Variants in TBC1D14 observed in about 807,000 individuals in gnomAD.
TBC1D14 encodes the protein TBC1 domain family, member 14.
TBC1D14 carries 26 observed loss-of-function variants against 79.0 expected under a neutral mutation model. The observed-to-expected ratio is 0.33, with a 90% CI of 0.24 to 0.46. TBC1D14 has a LOEUF of 0.46. Ranked by LOEUF, TBC1D14 falls within the 20% of genes least tolerant of loss-of-function variation. TBC1D14 has a pLI of 1.00. For missense variants in TBC1D14, 769 were observed against 887.6 expected, an observed-to-expected ratio of 0.87 and a Z score of 1.70; for synonymous variants, 394 against 349.9, an observed-to-expected ratio of 1.13 and a Z score of -1.40.
At chr4:6,998,355 G>A (rs1388119412) in intron 5 of TBC1D14, among the ~76,000 whole-genome samples, 1 of 143,510 alleles carries the variant, frequency 7.0e-6, no homozygotes, top group African/African-American at 2.7e-5. Flanking sequence ...GCAAAACTCC[G>A]TCTAAAAAAA....
rs558201839 is a variant in TBC1D14, at chr4:7,006,275, A to ATG, written c.1352-339_1352-338dup. 5.9e-3 allele frequency among the ~76,000 whole-genome samples: 897 copies of ATG among 151,232 alleles called. 6 individuals carry two copies. Among genetic ancestry groups the ATG allele is most frequent in the East Asian group, 0.05 (258 of 5,174 alleles). ...GATGTTTGAGATCGAGCAGTGATAT[A>ATG]TGTGTGTGTGTGTGTGTGTTTATGC... On this transcript the variant is annotated intron_variant, in intron 8 of 13. Transcript: ENST00000409757.
intron 1 of TBC1D14, among the ~76,000 whole-genome samples, chr4:6,915,902 G>C (rs906061295): frequency 1.3e-5 from 2 of 151,750 alleles, no homozygotes; most frequent in Non-Finnish European, 2.9e-5. Context: ...ATCACCTGAG[G>C]TCAGGGGTTC....
At chr4:6,966,879 A>G (rs907228833) in intron 2 of TBC1D14, among the ~76,000 whole-genome samples, 11 of 152,174 alleles carry the variant, frequency 7.2e-5, no homozygotes, top group Admixed American at 5.2e-4. Context: ...GCACGATCTC[A>G]GCTCACTGCA....
intron 13 of TBC1D14, among the ~76,000 whole-genome samples, chr4:7,029,294 G>A (rs1434306106): frequency 1.3e-5 from 2 of 152,246 alleles, no homozygotes; most frequent in East Asian, 3.8e-4. Flanking sequence ...AAGTGGCATG[G>A]TTCCTGGCCC....
At chr4:7,007,896 C>T (rs1049184361) in intron 9 of TBC1D14, among the ~76,000 whole-genome samples, 5 of 152,218 alleles carry the variant, frequency 3.3e-5, no homozygotes, top group East Asian at 1.9e-4. Flanking sequence ...CCACGGTTCA[C>T]GTGCCCCCTC....
intron 2 of TBC1D14, among the ~76,000 whole-genome samples, chr4:6,955,799 C>T (rs986575960): frequency 1.3e-5 from 2 of 152,136 alleles, no homozygotes; most frequent in African/African-American, 4.8e-5. Flanking sequence ...TCCACCAGGT[C>T]AGGGAGGATT....
At chr4:7,024,593 C>G (rs764847986) in intron 12 of TBC1D14, among the ~76,000 whole-genome samples, 1 of 152,128 alleles carries the variant, frequency 6.6e-6, no homozygotes, top group Admixed American at 6.5e-5. Context: ...GCTCCCAGGG[C>G]GGGGGGAACC....
intron 12 of TBC1D14, among the ~76,000 whole-genome samples, chr4:7,018,168 C>G (rs1577180341): frequency 6.6e-6 from 1 of 152,334 alleles, no homozygotes; most frequent in South Asian, 2.1e-4. Context: ...CACGTCCACA[C>G]CCATCACAGC....
At chr4:6,970,399 A>T (rs1034127482) in intron 3 of TBC1D14, among the ~76,000 whole-genome samples, 8 of 152,274 alleles carry the variant, frequency 5.3e-5, no homozygotes, top group African/African-American at 1.9e-4. Context: ...TAAACGGGTG[A>T]ATACACACAC....
chr4:6,937,569 A>G lies in TBC1D14; in HGVS notation c.722+13458A>G, dbSNP rs558394544. On this transcript the variant is annotated intron_variant, in intron 2 of 13. Transcript: ENST00000409757. ...CATCAAGGCGTGTGGGAGAATGGATAGAGAGGGAAGGAAGCGTTGCTGGGG... is the reference window on the plus strand; with the variant it reads ...CATCAAGGCGTGTGGGAGAATGGATGGAGAGGGAAGGAAGCGTTGCTGGGG... Among the ~76,000 whole-genome samples the G allele has an allele frequency of 3.9e-3, 594 of 152,284 alleles. 2 individuals are homozygous for G. Among genetic ancestry groups the G allele is most frequent in the Non-Finnish European group, 5.4e-3 (364 of 68,024 alleles).
intron 1 of TBC1D14, among the ~76,000 whole-genome samples, chr4:6,916,346 C>T (rs1262452145): frequency 1.3e-5 from 2 of 150,668 alleles, no homozygotes; most frequent in African/African-American, 4.9e-5. Context: ...GAAGAGGCTT[C>T]CGGTGGATAT....
intron 2 of TBC1D14, among the ~76,000 whole-genome samples, chr4:6,964,312 C>T (rs912819004): frequency 6.6e-6 from 1 of 152,198 alleles, no homozygotes; most frequent in Non-Finnish European, 1.5e-5. Context: ...CATCCCCACA[C>T]TCCGCGGCTT....
At chr4:6,920,713 G>A (rs1023989239) in intron 1 of TBC1D14, among the ~76,000 whole-genome samples, 5 of 152,186 alleles carry the variant, frequency 3.3e-5, no homozygotes, top group African/African-American at 7.2e-5. Flanking sequence ...GCCCAGGAGC[G>A]TGTGAGTCCA....
intron 3 of TBC1D14, among the ~76,000 whole-genome samples, chr4:6,977,992 C>A (rs575388142): frequency 5.6e-4 from 83 of 148,988 alleles, no homozygotes; most frequent in African/African-American, 2.0e-3. Context: ...AAGTGAGGAG[C>A]CCCTCCGCCC....
At chr4:6,912,374 G>A (rs148914976) in intron 1 of TBC1D14, among the ~76,000 whole-genome samples, 5 of 151,754 alleles carry the variant, frequency 3.3e-5, no homozygotes, top group African/African-American at 1.2e-4. Flanking sequence ...GCTAGACTCC[G>A]TCTCAAAAAA....
intron 12 of TBC1D14, among the ~76,000 whole-genome samples, chr4:7,024,074 C>G (rs529473348): frequency 6.6e-6 from 1 of 152,196 alleles, no homozygotes; most frequent in African/African-American, 2.4e-5. Context: ...GAGGACAGGC[C>G]GCATCTAACG....
At chr4:6,937,940 C>T (rs764172258) in intron 2 of TBC1D14, among the ~76,000 whole-genome samples, 2 of 151,938 alleles carry the variant, frequency 1.3e-5, no homozygotes, top group Middle Eastern at 3.4e-3. Flanking sequence ...GACGTAGGCT[C>T]CCCCCGGGGC....
Position 6,924,034 on chromosome 4 carries a change from C to T in TBC1D14, c.645C>T (p.His215=). ...CTATCAAGGAAACCCGTGGCTTACA[C>T]CAGCAGGACTGTGTTCATGAAGCTG... ...LSSIKETRGL[H]QQDCVHEAEE... Residue 215 remains histidine, a synonymous_variant, in exon 2 of 14, where the codon CAC becomes CAT. Coordinates refer to ENST00000409757, the MANE Select transcript of TBC1D14 (RefSeq NM_020773.3). The T allele has an allele frequency of 6.2e-7, 1 of 1,614,110 alleles. No homozygotes were observed. The highest frequency in any genetic ancestry group is 1.1e-5 in the South Asian group (1 of 91,086).
chr4:7,012,437 A>G (rs1337315170), intron 11 of TBC1D14, among the ~76,000 whole-genome samples: 1 of 152,238 alleles, frequency 6.6e-6, no homozygotes, highest in Non-Finnish European at 1.5e-5. Flanking sequence ...AGTTCTGCTC[A>G]TAAGAATCAC....
Sources: gnomAD v4.1 joint callset for allele counts (sites outside exome capture counted in the v4.1 genomes callset) on GRCh38, gnomAD v4.1.1 for gene constraint, MANE v1.5 for transcripts, NCBI Gene and HGNC (gene_info 2026-07-23, HGNC 2026-07-21) for gene names.